TNS1: variants seen among roughly 807,000 people sequenced by gnomAD.
TNS1 encodes the protein tensin 1, also known as tensin-1.
Under a neutral mutation model 168.6 loss-of-function variants are expected in TNS1, and 62 were observed. That is an observed-to-expected ratio of 0.37 (90% confidence interval 0.30 to 0.45). The LOEUF is 0.45. TNS1 is among the 20% of genes least tolerant of loss of function. TNS1 has a pLI of 1.00. For synonymous variants in TNS1, 934 were observed against 933.2 expected, an observed-to-expected ratio of 1.00 and a Z score of -0.02; for missense variants, 2,240 against 2,339.4, an observed-to-expected ratio of 0.96 and a Z score of 0.88.
intron 18 of TNS1, among the ~76,000 whole-genome samples, chr2:217,857,606 T>G (rs932121762): frequency 6.6e-6 from 1 of 152,214 alleles, no homozygotes; most frequent in Non-Finnish European, 1.5e-5. Context: ...ATTCATACCA[T>G]GCCCTCCATA....
chr2:217,913,077 GT>G (rs905998503), intron 4 of TNS1, among the ~76,000 whole-genome samples: 2 of 152,194 alleles, frequency 1.3e-5, no homozygotes, highest in African/African-American at 4.8e-5. Flanking sequence ...TCTTGAGGAA[GT>G]GGGAGCCGAT....
intron 22 of TNS1, among the ~76,000 whole-genome samples, chr2:217,825,947 G>A (rs1943556300): frequency 6.6e-6 from 1 of 152,186 alleles, no homozygotes; most frequent in Admixed American, 6.5e-5. Flanking sequence ...CTCGCCCAGG[G>A]AGAAGCAGCA....
At chr2:217,865,257 C>G (rs568761458) in intron 18 of TNS1, among the ~76,000 whole-genome samples, 36 of 152,232 alleles carry the variant, frequency 2.4e-4, no homozygotes, top group Middle Eastern at 3.4e-3. Context: ...TATCTGCTTC[C>G]TTCCCCAAAT....
intron 18 of TNS1, chr2:217,850,453 G>A (rs1947309126): frequency 1.0e-5 from 10 of 985,136 alleles, no homozygotes; most frequent in Admixed American, 6.2e-5. Flanking sequence ...ACTTTCTCTG[G>A]AAGGAAAAAG....
chr2:217,958,186 A>G (rs1957411361), intron 3 of TNS1, among the ~76,000 whole-genome samples: 1 of 152,224 alleles, frequency 6.6e-6, no homozygotes, highest in South Asian at 2.1e-4. Flanking sequence ...CACTTAGAAT[A>G]CATAAAAGGT....
chr2:217,878,049 A>G (rs1317422308), intron 18 of TNS1, among the ~76,000 whole-genome samples: 1 of 152,040 alleles, frequency 6.6e-6, no homozygotes, highest in Admixed American at 6.5e-5. Context: ...CCCTCTACCT[A>G]TTTCGAGAGG....
chr2:217,922,320 G>A (rs566509181), intron 3 of TNS1, among the ~76,000 whole-genome samples: 12 of 152,358 alleles, frequency 7.9e-5, no homozygotes, highest in Middle Eastern at 3.4e-3. Flanking sequence ...TCAAGGTCAG[G>A]GGCCAGGGCC....
rs1937480770 is a variant in TNS1 at position 217,801,474 on chromosome 2, C to A, written c.*2985G>T. The A allele has an allele frequency of 6.6e-6, 1 of 152,270 alleles. No individual in the cohort carries two copies. The highest frequency in any genetic ancestry group is 6.5e-5 in the Admixed American group (1 of 15,282). The allele number at this position is 152,270 out of a possible 1,614,324, so 9.4% of individuals were successfully genotyped here. On this transcript the variant is annotated 3_prime_UTR_variant, in exon 33 of 33. Transcript: ENST00000682258. ...CTGCGATGTCCATGACTCCCTGGCT[C>A]TTTGTTGCCCATCTTCTCCCAGACC... is the stretch of plus-strand genomic sequence containing the variant.
intron 3 of TNS1, among the ~76,000 whole-genome samples, chr2:217,976,578 G>A (rs13022979): frequency 0.1 from 15,204 of 152,296 alleles, 820 homozygotes; most frequent in South Asian, 0.15. Context: ...TCCTTGGGCA[G>A]GGCAGAGCAG....
At chr2:217,820,289 A>G (rs896148115) in intron 23 of TNS1, among the ~76,000 whole-genome samples, 10 of 152,222 alleles carry the variant, frequency 6.6e-5, no homozygotes, top group Non-Finnish European at 1.5e-4. Context: ...CTCACTGAAC[A>G]TCAACAATGG....
intron 19 of TNS1, among the ~76,000 whole-genome samples, chr2:217,842,644 C>A (rs1337180185): frequency 6.6e-6 from 1 of 152,232 alleles, no homozygotes. Flanking sequence ...GATGATGTCA[C>A]TCTTGGGCCC....
At chr2:217,863,610 G>T (rs1005665624) in intron 18 of TNS1, among the ~76,000 whole-genome samples, 1 of 152,074 alleles carries the variant, frequency 6.6e-6, no homozygotes, top group Non-Finnish European at 1.5e-5. Flanking sequence ...AACCCCATCT[G>T]GGCCACTACT....
At chr2:218,004,497 C>T (rs1958636654), upstream of TNS1, among the ~76,000 whole-genome samples, 2 of 152,186 alleles carry the variant, frequency 1.3e-5, no homozygotes, top group Non-Finnish European at 2.9e-5. Context: ...CAGGGACCAC[C>T]CAAGACATCT....
chr2:218,012,796 T>G (rs1333425972), upstream of TNS1, among the ~76,000 whole-genome samples: 1 of 152,154 alleles, frequency 6.6e-6, no homozygotes, highest in Non-Finnish European at 1.5e-5. Context: ...CTGAAGCCAC[T>G]CCAGAACCTC....
chr2:218,030,083 C>T (rs1373103650), intron 1 of TNS1, among the ~76,000 whole-genome samples: 6 of 152,122 alleles, frequency 3.9e-5, no homozygotes, highest in Admixed American at 6.5e-5. Flanking sequence ...CTCTGACCAC[C>T]GGGCACCTCC....
intron 1 of TNS1, among the ~76,000 whole-genome samples, chr2:217,994,087 C>T (rs1231601877): frequency 6.6e-6 from 1 of 151,914 alleles, no homozygotes; most frequent in Non-Finnish European, 1.5e-5. Context: ...TCCAGCCAGC[C>T]ACCTCCTGGG....
rs1216615113 is a variant in TNS1 at position 217,842,028 on chromosome 2, C to T, written c.3007+5482G>A. On this transcript the variant is annotated intron_variant, in intron 19 of 32. Coordinates refer to ENST00000682258, the MANE Select transcript of TNS1 (RefSeq NM_001387777.1). ...GTGGCCAACATTGCCCCTGCCCTGG[C>T]CCCCAGAGTTCAAGCTATGTTACCT... The T allele has an allele frequency of 4.3e-6, 3 of 701,250 alleles. No homozygotes were observed. The Admixed American group carries it at 6.0e-5, about 14-fold the overall frequency. 43.4% of individuals were successfully genotyped at this position (701,250 alleles called of 1,614,324 possible).
chr2:218,029,633 T>C (rs1422048178), intron 1 of TNS1, among the ~76,000 whole-genome samples: 1 of 152,264 alleles, frequency 6.6e-6, no homozygotes, highest in East Asian at 1.9e-4. Flanking sequence ...AACCATGATA[T>C]TGAGCACAAA....
intron 3 of TNS1, among the ~76,000 whole-genome samples, chr2:217,955,435 G>T (rs571754052): frequency 1.3e-5 from 2 of 151,976 alleles, no homozygotes; most frequent in Non-Finnish European, 2.9e-5. Context: ...CCTTCCTCCC[G>T]CACAGTGCCC....
Sources: gnomAD v4.1 joint callset for allele counts (sites outside exome capture counted in the v4.1 genomes callset) on GRCh38, gnomAD v4.1.1 for gene constraint, MANE v1.5 for transcripts, NCBI Gene and HGNC (gene_info 2026-07-23, HGNC 2026-07-21) for gene names.